Variants in FUCA2 observed in about 807,000 individuals in gnomAD.
The protein encoded by FUCA2 is alpha-L-fucosidase 2.
A neutral mutation model predicts 52.6 loss-of-function variants in FUCA2; 41 were observed. The ratio of observed to expected loss-of-function variants is 0.78; its 90% CI spans 0.61 to 1.01. FUCA2 has a LOEUF of 1.01. Among genes scored for constraint, FUCA2 ranks in the 50% least tolerant of loss-of-function variants. The probability of loss-of-function intolerance (pLI) is 0.00; values close to 1 mark genes in which losing one functional copy is unlikely to be tolerated. For synonymous variants in FUCA2, 211 were observed against 217.3 expected (o/e 0.97, Z 0.26); for missense variants, 507 against 569.5 (o/e 0.89, Z 1.12).
rs547946308 is a variant in FUCA2, at chr6:143,495,914, G to T, written c.1264-67C>A. ...TCTTTATCTCACCCACTTTCTATTG[G>T]GAAGGAGTGATTAGTAGTTCAAACA... is the stretch of plus-strand genomic sequence containing the variant. On this transcript the variant is annotated intron_variant, in intron 6 of 6. Transcript: ENST00000002165. This position sits in a 1 kb window ranked among gnomAD's most constrained non-coding sequence, Gnocchi z 5.2. 2.6e-6 allele frequency: 4 copies of T among 1,545,366 alleles called. No homozygotes were observed. In the South Asian group the frequency reaches 4.7e-5, roughly 18 times the overall value.
Position 143,504,532 on chromosome 6 carries a change from T to C in FUCA2, c.413-280A>G, listed in dbSNP as rs1780574663. The C allele has an allele frequency of 8.4e-6, 3 of 357,974 alleles. No individual in the cohort carries two copies. In the South Asian group the frequency reaches 1.2e-4, roughly 14 times the overall value. The allele number at this position is 357,974 out of a possible 1,614,324, so 22.2% of individuals were successfully genotyped here. On this transcript the variant is annotated intron_variant, in intron 2 of 6. Transcript: ENST00000002165. This position sits in a 1 kb window ranked among gnomAD's most constrained non-coding sequence, Gnocchi z 4.4. ...GTATTTTCCCTCTTAGATTTTAAGG[T>C]CCTTAAGGGATTGCATCATGTCTGC... is the stretch of plus-strand genomic sequence containing the variant.
rs982526076 is a variant in FUCA2, at chr6:143,503,562, C to T, written c.752+351G>A. On this transcript the variant is annotated intron_variant, in intron 3 of 6. Transcript: ENST00000002165. This position sits in a 1 kb window ranked among gnomAD's most constrained non-coding sequence, Gnocchi z 4.8. Reference sequence around the variant, plus strand: ...TCTGCGGGATTCAGAAGCAAATAGTCAGAAATAGTGATGAAGAAACAGAGT... The same window carrying T: ...TCTGCGGGATTCAGAAGCAAATAGTTAGAAATAGTGATGAAGAAACAGAGT... The T allele has an allele frequency of 3.5e-5, 6 of 172,970 alleles. No individual in the cohort carries two copies. Among genetic ancestry groups the T allele is most frequent in the African/African-American group, 1.2e-4 (5 of 42,140 alleles). The allele number at this position is 172,970 out of a possible 1,614,324, so 10.7% of individuals were successfully genotyped here. A position where few individuals can be genotyped will look rare whatever the true frequency, so the allele number is the denominator to read the frequency against.
rs1438461750 is a variant in FUCA2 at position 143,499,637 on chromosome 6, G to C, written c.1155-2140C>G. On this transcript the variant is annotated intron_variant, in intron 5 of 6. Transcript: ENST00000002165. The surrounding 1 kb of genome is among the most constrained non-coding windows in gnomAD (Gnocchi z 6.0). Reference sequence around the variant, plus strand: ...CAAAGGAACTAACTAAGAAGGAAGAGCCAAAAGGTACGACAAACACCAGGA... The same window carrying C: ...CAAAGGAACTAACTAAGAAGGAAGACCCAAAAGGTACGACAAACACCAGGA... Among the ~76,000 whole-genome samples, 1 of 152,126 alleles carries C rather than the reference G, an allele frequency of 6.6e-6. No homozygotes were observed. Among genetic ancestry groups the C allele is most frequent in the Admixed American group, 6.5e-5 (1 of 15,276 alleles).
At chr6:143,505,522 G>C (rs1053416881) in intron 2 of FUCA2, 5 of 152,114 alleles carry the variant, frequency 3.3e-5, no homozygotes, top group Non-Finnish European at 7.3e-5. Flanking sequence ...TCACTTTGCT[G>C]CCTAGGCCAG....
In FUCA2 at chr6:143,507,398, G is replaced by T. The variant is rs572351835; in HGVS notation, c.251C>A (p.Pro84Gln). ...ATCTTTCATAAATTCCACATACTTC[G>T]GTATCTTTTCCTTTTGCCAATACCA... ...FWWYWQKEKI[P>Q]KYVEFMKDNY... The change falls in exon 2 of 7, where the codon CCG becomes CAG. Residue 84 changes from proline to glutamine, a missense_variant. Pro to Gln is a moderately conservative substitution (Grantham distance 76). Transcript: ENST00000002165. This position sits in a 1 kb window ranked among gnomAD's most constrained non-coding sequence, Gnocchi z 4.5. The T allele has an allele frequency of 3.1e-6, 5 of 1,600,664 alleles. No homozygotes were observed. In the East Asian group the frequency reaches 1.1e-4, roughly 36 times the overall value.
chr6:143,505,879 T>C (rs1387139372), intron 2 of FUCA2: 2 of 152,126 alleles, frequency 1.3e-5, no homozygotes, highest in African/African-American at 2.4e-5. Flanking sequence ...TCCCAGAAAA[T>C]GTATACATGT....
Position 143,501,411 on chromosome 6 carries a change from G to A in FUCA2, c.1154+521C>T, listed in dbSNP as rs911480772. 3.3e-5 allele frequency among the ~76,000 whole-genome samples: 5 copies of A among 152,138 alleles called. No homozygotes were observed. The highest frequency in any genetic ancestry group is 2.0e-4 in the Admixed American group (3 of 15,266). Reference sequence around the variant, plus strand: ...AACCATATCAGAAACTGTCATATTTGTGGAGTCTGATTCGGGTACTCATTG... The same window carrying A: ...AACCATATCAGAAACTGTCATATTTATGGAGTCTGATTCGGGTACTCATTG... On this transcript the variant is annotated intron_variant, in intron 5 of 6. Transcript: ENST00000002165. This position sits in a 1 kb window ranked among gnomAD's most constrained non-coding sequence, Gnocchi z 6.1.
chr6:143,506,361 G>A (rs1253395583), intron 2 of FUCA2: 1 of 151,806 alleles, frequency 6.6e-6, no homozygotes. Flanking sequence ...GTTTTTGTTT[G>A]TTTGTTTGTT....
In FUCA2 at chr6:143,502,524, G is replaced by A; in HGVS notation, c.794C>T (p.Ala265Val). The change falls in exon 4 of 7, where the codon GCT (alanine) becomes GTT (valine). Residue 265 changes from alanine to valine, a missense_variant. Physicochemically the swap from Ala to Val is moderately conservative, Grantham distance 64. Coordinates refer to ENST00000002165, the MANE Select transcript of FUCA2 (RefSeq NM_032020.5). This position sits in a 1 kb window ranked among gnomAD's most constrained non-coding sequence, Gnocchi z 4.1. ...GCCACCATGCTTACAGATGCTACCA[G>A]CTCCCCAACGATCATTGGTGACTAC... ...GTVVTNDRWG[A>V]GSICKHGGFY... 1 of 1,614,094 alleles carries A rather than the reference G, an allele frequency of 6.2e-7. No homozygotes were observed. Among genetic ancestry groups the A allele is most frequent in the East Asian group, 2.2e-5 (1 of 44,880 alleles).
At chr6:143,498,473 G>A (rs1780491757) in intron 5 of FUCA2, among the ~76,000 whole-genome samples, 1 of 152,166 alleles carries the variant, frequency 6.6e-6, no homozygotes, top group Non-Finnish European at 1.5e-5. Context: ...TGGCATGGAA[G>A]AGAACCATGG....
In FUCA2 at chr6:143,502,003, T is replaced by C. The variant is rs764720824; in HGVS notation, c.1083A>G (p.Lys361=). Reference sequence around the variant, plus strand: ...TTTCATAAATAGCTTCTCCATTGACTTTTAGCCAGGACCCCATTTGCCTCA... The same window carrying C: ...TTTCATAAATAGCTTCTCCATTGACCTTTAGCCAGGACCCCATTTGCCTCA... ...ERLRQMGSWL[K]VNGEAIYETH... is the part of the protein sequence containing the mutation. Residue 361 remains lysine (K), a synonymous_variant, in exon 5 of 7, where the codon AAA becomes AAG. Coordinates refer to ENST00000002165, the MANE Select transcript of FUCA2 (RefSeq NM_032020.5). The surrounding 1 kb of genome is among the most constrained non-coding windows in gnomAD (Gnocchi z 4.1). 2.5e-6 allele frequency: 4 copies of C among 1,613,812 alleles called. No homozygotes were observed. In the African/African-American group the frequency reaches 5.3e-5, roughly 22 times the overall value.
At chr6:143,508,313 G>C (rs1780639205) in intron 1 of FUCA2, among the ~76,000 whole-genome samples, 1 of 152,240 alleles carries the variant, frequency 6.6e-6, no homozygotes, top group Admixed American at 6.5e-5. Context: ...AAACACAGCA[G>C]TAACTATCCT....
In FUCA2 at chr6:143,507,386, T is replaced by G. The variant is rs758346185; in HGVS notation, c.263A>C (p.Glu88Ala). ...WQKEKIPKYV[E>A]FMKDNYPPSF... Reference sequence around the variant, plus strand: ...AGGAGGGTAATTATCTTTCATAAATTCCACATACTTCGGTATCTTTTCCTT... The same window carrying G: ...AGGAGGGTAATTATCTTTCATAAATGCCACATACTTCGGTATCTTTTCCTT... The change falls in exon 2 of 7, where the codon GAA becomes GCA. Residue 88 changes from glutamate (E) to alanine (A), a missense_variant. Physicochemically the swap from Glu to Ala is moderately radical, Grantham distance 107. Coordinates refer to ENST00000002165, the MANE Select transcript of FUCA2 (RefSeq NM_032020.5). This position sits in a 1 kb window ranked among gnomAD's most constrained non-coding sequence, Gnocchi z 4.5. 1 of 1,603,822 alleles carries G rather than the reference T, an allele frequency of 6.2e-7. No homozygotes were observed. The highest frequency in any genetic ancestry group is 1.8e-5 in the Admixed American group (1 of 56,894).
In FUCA2 at chr6:143,510,313, T is replaced by C. The variant is rs1780664228; in HGVS notation, c.224+1098A>G. On this transcript the variant is annotated intron_variant, in intron 1 of 6. Coordinates refer to ENST00000002165, the MANE Select transcript of FUCA2 (RefSeq NM_032020.5). This position sits in a 1 kb window ranked among gnomAD's most constrained non-coding sequence, Gnocchi z 4.4. ...GGATGTATACTATTTATGTAGTATATAGTTGATTCAAATAAATACTGTTTA... is the reference window on the plus strand; with the variant it reads ...GGATGTATACTATTTATGTAGTATACAGTTGATTCAAATAAATACTGTTTA... Among the ~76,000 whole-genome samples the C allele has an allele frequency of 6.6e-6, 1 of 152,198 alleles. No homozygotes were observed. Among genetic ancestry groups the C allele is most frequent in the Non-Finnish European group, 1.5e-5 (1 of 68,036 alleles).
Position 143,501,317 on chromosome 6 carries a change from C to G in FUCA2, c.1154+615G>C, listed in dbSNP as rs511839. Among the ~76,000 whole-genome samples the G allele has an allele frequency of 0.38, 58,279 of 151,704 alleles. 11,285 individuals carry two copies. The highest frequency in any genetic ancestry group is 0.52 in the East Asian group (2,650 of 5,140). On this transcript the variant is annotated intron_variant, in intron 5 of 6. Coordinates refer to ENST00000002165, the MANE Select transcript of FUCA2 (RefSeq NM_032020.5). The surrounding 1 kb of genome is among the most constrained non-coding windows in gnomAD (Gnocchi z 6.1). The stretch of plus-strand genomic sequence containing the variant: ...TCGGTTCCTATTTGATCAGACAGTA[C>G]TCAGGTGGCAACTGAAAGCGAATTT...
intron 5 of FUCA2, among the ~76,000 whole-genome samples, chr6:143,498,110 A>C (rs1780484264): frequency 6.6e-6 from 1 of 152,178 alleles, no homozygotes; most frequent in East Asian, 1.9e-4. Flanking sequence ...CATAACATTT[A>C]ATCTGAGACT....
At chr6:143,505,292 T>C (rs1053343189) in intron 2 of FUCA2, 4 of 150,718 alleles carry the variant, frequency 2.7e-5, no homozygotes, top group Admixed American at 1.3e-4. Flanking sequence ...AGTCTAAGAA[T>C]GACTCATACT....
rs751405206 is a variant in FUCA2, at chr6:143,511,381, G to A, written c.224+30C>T. ...AGGCTGCGGGTGGGGACAAAAGCGC[G>A]GCAGACGAGACAAAAGGGAGCGCAC... On this transcript the variant is annotated intron_variant, in intron 1 of 6. Transcript: ENST00000002165. The surrounding 1 kb of genome is among the most constrained non-coding windows in gnomAD (Gnocchi z 6.3). 3 of 1,565,518 alleles carry A rather than the reference G, an allele frequency of 1.9e-6. No individual in the cohort carries two copies. Among genetic ancestry groups the A allele is most frequent in the Admixed American group, 3.5e-5 (2 of 56,982 alleles).
rs1391340323 is a variant in FUCA2, at chr6:143,504,251, G to T, written c.414C>A (p.Gly138=). ...YIVLTSKHHE[G]FTLWGSEYSW... is the part of the protein sequence containing the mutation. Reference sequence around the variant, plus strand: ...AATATTCTGACCCCCACAAGGTAAAGCCTAGAAAATTATAGTGAAAACCCT... The same window carrying T: ...AATATTCTGACCCCCACAAGGTAAATCCTAGAAAATTATAGTGAAAACCCT... The change falls in exon 3 of 7, where the codon GGC becomes GGA. Residue 138 remains glycine (G), a splice_region_variant and synonymous_variant. Transcript: ENST00000002165. The surrounding 1 kb of genome is among the most constrained non-coding windows in gnomAD (Gnocchi z 4.4). 1.2e-6 allele frequency: 2 copies of T among 1,604,398 alleles called. No homozygotes were observed. Among genetic ancestry groups the T allele is most frequent in the Admixed American group, 3.5e-5 (2 of 57,866 alleles).
Sources: allele counts gnomAD v4.1 joint callset (sites outside exome capture counted in the v4.1 genomes callset), GRCh38; gene constraint gnomAD v4.1.1; non-coding constraint Gnocchi (gnomAD v3.1); transcripts MANE v1.5; gene names NCBI Gene and HGNC (gene_info 2026-07-23, HGNC 2026-07-21).